The following NEO1 variants were observed in gnomAD, a reference collection of about 807,000 sequenced individuals.
The protein encoded by NEO1 is neogenin.
In NEO1, 63 loss-of-function variants were observed where a neutral mutation model predicts 159.7. The ratio of observed to expected loss-of-function variants is 0.39; its 90% CI spans 0.32 to 0.49. NEO1 has a LOEUF of 0.49. Among genes scored for constraint, NEO1 ranks in the 20% least tolerant of loss-of-function variants. NEO1 has a pLI of 0.85. For missense variants in NEO1, 1,615 were observed against 1,831.0 expected, an observed-to-expected ratio of 0.88 and a Z score of 2.15; for synonymous variants, 633 against 662.0, an observed-to-expected ratio of 0.96 and a Z score of 0.67.
chr15:73,149,564 A>G (rs2033206647), intron 5 of NEO1, among the ~76,000 whole-genome samples: 1 of 152,080 alleles, frequency 6.6e-6, no homozygotes. Context: ...TTTGAGACTT[A>G]TTCTTGTCCA....
chr15:73,201,595 C>T (rs1199658940), intron 7 of NEO1, among the ~76,000 whole-genome samples: 2 of 152,048 alleles, frequency 1.3e-5, no homozygotes, highest in Non-Finnish European at 2.9e-5. Context: ...GATGACTGTT[C>T]AGATCATCTA....
At chr15:73,052,168 G>A (rs1414000377), upstream of NEO1, among the ~76,000 whole-genome samples, 3 of 149,944 alleles carry the variant, frequency 2.0e-5, no homozygotes, top group East Asian at 2.0e-4. Flanking sequence ...CGGGGAGAAG[G>A]GGGAGGGGAG....
At chr15:73,140,200 C>T (rs139767773) in intron 5 of NEO1, among the ~76,000 whole-genome samples, 15 of 152,304 alleles carry the variant, frequency 9.8e-5, no homozygotes, top group African/African-American at 3.4e-4. Context: ...CTCTAATGTA[C>T]TGTTGACAGG....
chr15:73,294,674 G>A (rs1183950531), intron 26 of NEO1, among the ~76,000 whole-genome samples: 5 of 151,918 alleles, frequency 3.3e-5, no homozygotes, highest in Non-Finnish European at 5.9e-5. Context: ...CAAGTAGCTG[G>A]GATTACAGGC....
At position 73,273,861 on chromosome 15, in the gene NEO1, G is replaced by A. The variant is rs1301764901; in HGVS notation, c.3016G>A (p.Val1006Ile). 7.4e-6 allele frequency: 12 copies of A among 1,614,128 alleles called. No homozygotes were observed. Among genetic ancestry groups the A allele is most frequent in the South Asian group, 2.2e-5 (2 of 91,080 alleles). ...TDVNAEIHDW[V>I]IEPVVGNRLT... ...TGTGAATGCAGAGATACATGACTGG[G>A]TTATTGAGCCTGTTGTGGGAAACAG... Residue 1006 changes from valine to isoleucine, a missense_variant, in exon 20 of 29, where the codon GTT becomes ATT. This residue lies in a region of NEO1 where 126 missense variants were observed against 216.7 expected (regional missense o/e 0.58). Coordinates refer to ENST00000261908, the MANE Select transcript of NEO1 (RefSeq NM_002499.4).
chr15:73,279,678 T>C (rs1217417152), intron 22 of NEO1, among the ~76,000 whole-genome samples: 2 of 152,142 alleles, frequency 1.3e-5, no homozygotes, highest in East Asian at 3.9e-4. Flanking sequence ...AGATGCAGGC[T>C]CTATGTGACA....
chr15:73,055,800 T>G (rs1040844179), intron 1 of NEO1, among the ~76,000 whole-genome samples: 2 of 152,216 alleles, frequency 1.3e-5, no homozygotes, highest in East Asian at 3.8e-4. Context: ...TTGTGTTGCC[T>G]GTCTTGGTCA....
Position 73,295,125 on chromosome 15 carries a change from A to AATATAT in NEO1, c.3901+1590_3901+1595dup, listed in dbSNP as rs10524460. Among the ~76,000 whole-genome samples the AATATAT allele has an allele frequency of 2.0e-3, 205 of 100,194 alleles. 9 individuals carry two copies. The highest frequency in any genetic ancestry group is 3.3e-3 in the African/African-American group (91 of 27,742). 65.7% of individuals were successfully genotyped at this position (100,194 alleles called of 152,430 possible). On this transcript the variant is annotated intron_variant, in intron 26 of 28. Coordinates refer to ENST00000261908, the MANE Select transcript of NEO1 (RefSeq NM_002499.4). ...AAGATCCCGTCTCTACTAAATATTA[A>AATATAT]ATATATATATATATATATGTAAAAA...
intron 7 of NEO1, among the ~76,000 whole-genome samples, chr15:73,193,997 C>A (rs558172274): frequency 3.0e-4 from 45 of 152,142 alleles, no homozygotes; most frequent in South Asian, 6.2e-4. Flanking sequence ...GAATAGCCAG[C>A]ATCTCGGTTT....
intron 1 of NEO1, among the ~76,000 whole-genome samples, chr15:73,058,838 A>T (rs1041662943): frequency 6.6e-6 from 1 of 152,214 alleles, no homozygotes; most frequent in Non-Finnish European, 1.5e-5. Flanking sequence ...AAAATGGAAC[A>T]GTGGGTTTAT....
In NEO1 at chr15:73,249,509, G is replaced by A; in HGVS notation, c.1756-74G>A. The A allele has an allele frequency of 2.9e-6, 4 of 1,400,116 alleles. 1 individual carries two copies. The South Asian group carries it at 5.9e-5, about 21-fold the overall frequency. The allele number at this position is 1,400,116 out of a possible 1,614,324, so 86.7% of individuals were successfully genotyped here. A position where few individuals can be genotyped will look rare whatever the true frequency, so the allele number is the denominator to read the frequency against. On this transcript the variant is annotated intron_variant, in intron 10 of 28. Transcript: ENST00000261908. ...GTTTCATGTAGAATATAGAATTTGT[G>A]TAGCTAATTCTTTAATTTTCAACTT...
intron 6 of NEO1, among the ~76,000 whole-genome samples, chr15:73,177,361 A>T (rs1458367303): frequency 6.6e-6 from 1 of 152,190 alleles, no homozygotes; most frequent in Non-Finnish European, 1.5e-5. Flanking sequence ...AATTTGTCAT[A>T]CAAGTAAACA....
At chr15:73,299,682 G>A (rs1411160509) in intron 27 of NEO1, among the ~76,000 whole-genome samples, 1 of 152,212 alleles carries the variant, frequency 6.6e-6, no homozygotes, top group Non-Finnish European at 1.5e-5. Context: ...ACTGCGCCCA[G>A]CCGAAAAGCA....
chr15:73,157,911 C>CT (rs1295580892), intron 5 of NEO1, among the ~76,000 whole-genome samples: 3 of 151,812 alleles, frequency 2.0e-5, no homozygotes, highest in Non-Finnish European at 2.9e-5. Context: ...TCTCATTGTT[C>CT]TTTTAAAAAA....
chr15:73,130,314 C>CT (rs891443987), intron 4 of NEO1, among the ~76,000 whole-genome samples: 25 of 149,524 alleles, frequency 1.7e-4, no homozygotes, highest in Admixed American at 1.5e-3. Flanking sequence ...TCCCGCCCCC[C>CT]CCGCCGCATA....
rs945184042 is a variant in NEO1, at chr15:73,244,214, C to T, written c.1452-130C>T. On this transcript the variant is annotated intron_variant, in intron 8 of 28. Transcript: ENST00000261908. ...CATCTTCTTTGCACTGTCCTACCCCCAAAAGCTTCATTGTTTGAGAGCTAA... is the reference window on the plus strand; with the variant it reads ...CATCTTCTTTGCACTGTCCTACCCCTAAAAGCTTCATTGTTTGAGAGCTAA... The T allele has an allele frequency of 1.2e-5, 13 of 1,041,430 alleles. No individual in the cohort carries two copies. In the African/African-American group the frequency reaches 1.9e-4, roughly 16 times the overall value. 64.5% of individuals were successfully genotyped at this position (1,041,430 alleles called of 1,614,324 possible).
At chr15:73,069,037 C>T (rs1419776509) in intron 1 of NEO1, among the ~76,000 whole-genome samples, 7 of 150,704 alleles carry the variant, frequency 4.6e-5, no homozygotes, top group Admixed American at 2.0e-4. Flanking sequence ...ACTGCAGCCT[C>T]GACCTCTTGG....
chr15:73,147,509 G>T (rs2033002722), intron 5 of NEO1, among the ~76,000 whole-genome samples: 1 of 152,096 alleles, frequency 6.6e-6, no homozygotes, highest in African/African-American at 2.4e-5. Flanking sequence ...GTCTGTGCTT[G>T]CTGGGCTCCT....
intron 1 of NEO1, among the ~76,000 whole-genome samples, chr15:73,089,204 A>C (rs566074063): frequency 6.6e-6 from 1 of 152,062 alleles, no homozygotes; most frequent in South Asian, 2.1e-4. Flanking sequence ...TTGTCTCCCT[A>C]CCCCCTTTTC....
Sources: allele counts gnomAD v4.1 joint callset (sites outside exome capture counted in the v4.1 genomes callset), GRCh38; gene constraint gnomAD v4.1.1; regional missense constraint gnomAD v4.1.1; transcripts MANE v1.5; gene names NCBI Gene and HGNC (gene_info 2026-07-23, HGNC 2026-07-21).